Variants in STAU2 observed in about 807,000 individuals in gnomAD.
STAU2 encodes staufen double-stranded RNA binding protein 2, also known as double-stranded RNA-binding protein Staufen homolog 2.
Under a neutral mutation model 65.9 loss-of-function variants are expected in STAU2, and 20 were observed. The ratio of observed to expected loss-of-function variants is 0.30; its 90% CI spans 0.21 to 0.44. STAU2 has a LOEUF of 0.44. Among genes scored for constraint, STAU2 ranks in the 20% least tolerant of loss-of-function variants. The pLI, the probability that STAU2 is intolerant of heterozygous loss-of-function variation, is 1.00. For synonymous variants in STAU2, 232 were observed against 233.9 expected (o/e 0.99, Z 0.07); for missense variants, 558 against 683.9 (o/e 0.82, Z 2.05).
intron 13 of STAU2, among the ~76,000 whole-genome samples, chr8:73,455,465 C>A (rs76653359): frequency 6.6e-6 from 1 of 152,136 alleles, no homozygotes; most frequent in Non-Finnish European, 1.5e-5. Context: ...TGACACCAGA[C>A]CTCCCTTGAC....
intron 6 of STAU2, among the ~76,000 whole-genome samples, chr8:73,636,825 C>T (rs535399913): frequency 9.4e-5 from 14 of 148,334 alleles, no homozygotes; most frequent in African/African-American, 2.7e-4. Context: ...ATCACACCAC[C>T]GCACTCCAGC....
intron 2 of STAU2, among the ~76,000 whole-genome samples, chr8:73,738,684 T>C (rs1236182953): frequency 6.6e-6 from 1 of 152,212 alleles, no homozygotes; most frequent in Non-Finnish European, 1.5e-5. Flanking sequence ...TCTAGACTTC[T>C]AAGACAATCC....
intron 13 of STAU2, among the ~76,000 whole-genome samples, chr8:73,542,376 T>C (rs1806599824): frequency 6.6e-6 from 1 of 152,120 alleles, no homozygotes; most frequent in South Asian, 2.1e-4. Flanking sequence ...AAGCATTAAA[T>C]GTCCATAAGA....
Position 73,494,630 on chromosome 8 carries a change from T to G in STAU2, c.1530+57382A>C, listed in dbSNP as rs367739149. ...GATATACAATAAAACTGGTTCTGCT[T>G]GATCAGTTGATTTGGATATTGAAGT... On this transcript the variant is annotated intron_variant, in intron 13 of 14. Transcript: ENST00000524300. Among the ~76,000 whole-genome samples the G allele has an allele frequency of 7.2e-4, 109 of 151,838 alleles. 1 individual carries two copies. The South Asian group carries it at 0.022, about 30-fold the overall frequency.
At chr8:73,514,237 G>A (rs1822578716) in intron 13 of STAU2, among the ~76,000 whole-genome samples, 1 of 152,034 alleles carries the variant, frequency 6.6e-6, no homozygotes, top group African/African-American at 2.4e-5. Context: ...GCCATTTTCA[G>A]AGTCACACCC....
chr8:73,434,487 G>C (rs1817552225), intron 13 of STAU2, among the ~76,000 whole-genome samples: 1 of 151,880 alleles, frequency 6.6e-6, no homozygotes, highest in African/African-American at 2.4e-5. Flanking sequence ...GGAAGGGAGA[G>C]GGCTTGGCAT....
At chr8:73,551,211 G>C (rs1807312782) in intron 13 of STAU2, 1 of 987,398 alleles carries the variant, frequency 1.0e-6, no homozygotes, top group Admixed American at 6.2e-5. Context: ...AAGCTCCAAT[G>C]TATCCATAAA....
chr8:73,733,554 T>C (rs1292496077), intron 3 of STAU2, among the ~76,000 whole-genome samples: 1 of 152,210 alleles, frequency 6.6e-6, no homozygotes, highest in Non-Finnish European at 1.5e-5. Flanking sequence ...GTTGGTTATC[T>C]GTTGAATAAT....
chr8:73,734,606 C>G (rs1464444070), intron 3 of STAU2, among the ~76,000 whole-genome samples: 7 of 151,990 alleles, frequency 4.6e-5, no homozygotes, highest in African/African-American at 1.5e-4. Context: ...CCAGCCTGAC[C>G]AACATGGTGA....
intron 13 of STAU2, among the ~76,000 whole-genome samples, chr8:73,479,327 T>C (rs1251185541): frequency 1.3e-5 from 2 of 152,100 alleles, no homozygotes; most frequent in African/African-American, 4.8e-5. Flanking sequence ...TATTTCTGGG[T>C]CAACTTATAA....
At chr8:73,443,857 A>G (rs1378321166) in intron 13 of STAU2, among the ~76,000 whole-genome samples, 1 of 151,192 alleles carries the variant, frequency 6.6e-6, no homozygotes, top group Non-Finnish European at 1.5e-5. Flanking sequence ...CTTAAAAAAA[A>G]AAAAAAGTAG....
intron 13 of STAU2, among the ~76,000 whole-genome samples, chr8:73,484,827 G>T (rs1312777046): frequency 6.6e-6 from 1 of 152,060 alleles, no homozygotes; most frequent in Admixed American, 6.6e-5. Context: ...CACACTAGAG[G>T]TTAGTTCAAA....
Position 73,595,235 on chromosome 8 carries a change from A to G in STAU2, c.1092T>C (p.Asn364=). 1.2e-6 allele frequency: 2 copies of G among 1,608,950 alleles called. No homozygotes were observed. Among genetic ancestry groups the G allele is most frequent in the East Asian group, 4.5e-5 (2 of 44,574 alleles). Residue 364 remains asparagine, a synonymous_variant, in exon 11 of 15, where the codon AAT becomes AAC. Transcript: ENST00000524300. ...TGPNKKIAKK[N]AAEAMLLQLG... ...GTTGTAACAGCATTGCTTCTGCAGC[A>G]TTTTTTTTGGCTATCTTTTTATTAG...
At chr8:73,742,402 G>A (rs955589270) in intron 1 of STAU2, 1 of 170,184 alleles carries the variant, frequency 5.9e-6, no homozygotes, top group Non-Finnish European at 1.2e-5. Flanking sequence ...ATGGAGGCAC[G>A]CACCTGTAGT....
At chr8:73,467,970 C>G (rs551290866) in intron 13 of STAU2, among the ~76,000 whole-genome samples, 148 of 152,216 alleles carry the variant, frequency 9.7e-4, no homozygotes, top group Non-Finnish European at 1.6e-3. Flanking sequence ...AGTTCATATG[C>G]AACCAAAAAA....
At chr8:73,515,773 C>CTTTTTTTTT (rs75132374) in intron 13 of STAU2, among the ~76,000 whole-genome samples, 2 of 90,936 alleles carry the variant, frequency 2.2e-5, no homozygotes, top group African/African-American at 4.4e-5. Flanking sequence ...AAAAATTTCT[C>CTTTTTTTTT]TTTTTTTTTT....
At chr8:73,661,001 C>G (rs185256637) in intron 6 of STAU2, among the ~76,000 whole-genome samples, 2 of 152,154 alleles carry the variant, frequency 1.3e-5, no homozygotes, top group Non-Finnish European at 2.9e-5. Context: ...TAAAGGAACT[C>G]AAAACACTAC....
At chr8:73,687,933 C>T (rs997722651) in intron 5 of STAU2, among the ~76,000 whole-genome samples, 1 of 151,744 alleles carries the variant, frequency 6.6e-6, no homozygotes, top group Non-Finnish European at 1.5e-5. Flanking sequence ...CCAGGATGGT[C>T]TCAATCTCCT....
intron 14 of STAU2, 36 bp from the exon 15 acceptor site, chr8:73,421,501 TG>T (rs775365164): frequency 1.2e-5 from 19 of 1,532,968 alleles, no homozygotes; most frequent in Non-Finnish European, 1.5e-5. Flanking sequence ...GCTGAAGGCC[TG>T]GGGTTGCACA....
Sources: gnomAD v4.1 joint callset for allele counts (sites outside exome capture counted in the v4.1 genomes callset) on GRCh38, gnomAD v4.1.1 for gene constraint, MANE v1.5 for transcripts, NCBI Gene and HGNC (gene_info 2026-07-23, HGNC 2026-07-21) for gene names.